DIPK2B: variants seen among roughly 807,000 people sequenced by gnomAD.
DIPK2B encodes the protein UPF0672 protein CXorf36.
In DIPK2B, 15 loss-of-function variants were observed where a neutral mutation model predicts 22.2. The ratio of observed to expected loss-of-function variants is 0.68; its 90% CI spans 0.45 to 1.04. The LOEUF (loss-of-function observed/expected upper bound fraction) is 1.04, where lower values mean the gene tolerates loss of function less well. Ranked by LOEUF, DIPK2B falls within the 50% of genes least tolerant of loss-of-function variation. The probability of loss-of-function intolerance (pLI) is 0.00; values close to 1 mark genes in which losing one functional copy is unlikely to be tolerated. For missense variants in DIPK2B, 345 were observed against 348.3 expected, an observed-to-expected ratio of 0.99 and a Z score of 0.08; for synonymous variants, 163 against 153.2, an observed-to-expected ratio of 1.06 and a Z score of -0.47.
In DIPK2B at chrX:45,148,978, A is replaced by G. The variant is rs2046947040; in HGVS notation, c.*2674T>C. Reference sequence around the variant, plus strand: ...ACTCAGCATCACCAAGGGTTACATGATAGTCTTGAAGGAATGTTGCTCAGA... The same window carrying G: ...ACTCAGCATCACCAAGGGTTACATGGTAGTCTTGAAGGAATGTTGCTCAGA... On this transcript the variant is annotated 3_prime_UTR_variant, in exon 5 of 5. Coordinates refer to ENST00000398000, the MANE Select transcript of DIPK2B (RefSeq NM_176819.4). 1 of 111,464 alleles carries G rather than the reference A, an allele frequency of 9.0e-6. No homozygotes were observed. Among genetic ancestry groups the G allele is most frequent in the Non-Finnish European group, 1.9e-5 (1 of 53,121 alleles). 9.2% of individuals were successfully genotyped at this position (111,464 alleles called of 1,213,427 possible).
At chrX:45,187,461 C>T (rs1048954025) in intron 2 of DIPK2B, among the ~76,000 whole-genome samples, 1 of 58,122 alleles carries the variant, frequency 1.7e-5, no homozygotes, top group Admixed American at 2.2e-4. Context: ...CTCGAGGGCG[C>T]GCGCGCGCAC....
At chrX:45,182,074 CAA>C (rs200586875) in intron 2 of DIPK2B, among the ~76,000 whole-genome samples, 2 of 86,748 alleles carry the variant, frequency 2.3e-5, no homozygotes, top group Admixed American at 2.8e-4. Context: ...CACCCTGTCT[CAA>C]AAAAAAAAAA....
intron 2 of DIPK2B, among the ~76,000 whole-genome samples, chrX:45,185,684 G>A (rs774466538): frequency 2.2e-5 from 2 of 89,671 alleles, no homozygotes; most frequent in East Asian, 3.3e-4. Flanking sequence ...ATGGAGTCTC[G>A]CTCTGTTGCC....
chrX:45,196,090 A>T (rs1289078564), intron 1 of DIPK2B, among the ~76,000 whole-genome samples: 2 of 112,384 alleles, frequency 1.8e-5, no homozygotes, highest in African/African-American at 6.5e-5. Context: ...CAAAGATTTG[A>T]CCTCTTTTAA....
chrX:45,153,521 T>TGTGTGTGTGA (rs1232898063), intron 4 of DIPK2B, among the ~76,000 whole-genome samples: 11 of 96,685 alleles, frequency 1.1e-4, no homozygotes, highest in African/African-American at 4.1e-4. Context: ...TGTGTGTGTG[T>TGTGTGTGTGA]GACAGAGAGA....
intron 2 of DIPK2B, among the ~76,000 whole-genome samples, chrX:45,173,401 A>G (rs2047095252): frequency 9.0e-6 from 1 of 110,617 alleles, no homozygotes; most frequent in South Asian, 3.9e-4. Context: ...GCAGATGGAC[A>G]TAGTGCAGAC....
At position 45,198,332 on chromosome X, in the gene DIPK2B, T is replaced by C. The variant is rs895536069; in HGVS notation, c.233+2262A>G. On this transcript the variant is annotated intron_variant, in intron 1 of 4. Coordinates refer to ENST00000398000, the MANE Select transcript of DIPK2B (RefSeq NM_176819.4). ...GACTTTGATAATAAGAAAAAAGGTA[T>C]TTATATTGTAGAGAAAAGGACTCTA... Among the ~76,000 whole-genome samples, 4 of 111,597 alleles carry C rather than the reference T, an allele frequency of 3.6e-5. No individual in the cohort carries two copies. In the South Asian group the frequency reaches 1.2e-3, roughly 32 times the overall value.
At chrX:45,175,993 G>T (rs1041769352) in intron 2 of DIPK2B, among the ~76,000 whole-genome samples, 1 of 108,900 alleles carries the variant, frequency 9.2e-6, no homozygotes, top group Non-Finnish European at 1.9e-5. Flanking sequence ...GGGTGCTGTA[G>T]GGGAGGAGCA....
intron 2 of DIPK2B, among the ~76,000 whole-genome samples, chrX:45,184,976 A>T (rs1267576479): frequency 9.0e-6 from 1 of 110,958 alleles, no homozygotes; most frequent in Non-Finnish European, 1.9e-5. Context: ...TTCTCTTTTG[A>T]TTAGATAAAA....
chrX:45,162,339 A>C, intron 2 of DIPK2B: 1 of 727,639 alleles, frequency 1.4e-6, no homozygotes, highest in South Asian at 7.0e-5. Context: ...GAAATGGTTT[A>C]ATACACAACA....
intron 1 of DIPK2B, among the ~76,000 whole-genome samples, chrX:45,192,807 C>T (rs1484788771): frequency 1.8e-5 from 2 of 111,582 alleles, no homozygotes; most frequent in African/African-American, 6.5e-5. Flanking sequence ...GAGATGGAGA[C>T]TCACTCTGTT....
At position 45,151,941 on chromosome X, in the gene DIPK2B, A is replaced by G; in HGVS notation, c.1013T>C (p.Leu338Pro). 19 of 1,196,387 alleles carry G rather than the reference A, an allele frequency of 1.6e-5. No homozygotes were observed. Among genetic ancestry groups the G allele is most frequent in the Non-Finnish European group, 2.1e-5 (19 of 887,160 alleles). The part of the protein sequence containing the change: ...AGENKDIFSC[L>P]VSGCQAQLPS... ...CAGCTGGGCCTGGCAGCCGGAAACC[A>G]GGCAGCTAAAAATGTCTTTATTCTC... is the stretch of plus-strand genomic sequence containing the variant. Residue 338 changes from leucine to proline, a missense_variant, in exon 5 of 5, where the codon CTG becomes CCG. Coordinates refer to ENST00000398000, the MANE Select transcript of DIPK2B (RefSeq NM_176819.4).
intron 2 of DIPK2B, among the ~76,000 whole-genome samples, chrX:45,185,485 TG>T (rs1167401628): frequency 3.6e-5 from 4 of 110,505 alleles, no homozygotes. Flanking sequence ...ACGTTTTGGC[TG>T]GGGGCGGCCT....
intron 2 of DIPK2B, among the ~76,000 whole-genome samples, chrX:45,166,187 AG>A (rs1156666244): frequency 8.9e-6 from 1 of 111,822 alleles, no homozygotes; most frequent in Non-Finnish European, 1.9e-5. Flanking sequence ...GCCATGAGTG[AG>A]GGTGATTGGG....
chrX:45,192,440 C>G (rs1168200780), intron 1 of DIPK2B, among the ~76,000 whole-genome samples: 1 of 109,811 alleles, frequency 9.1e-6, no homozygotes. Flanking sequence ...ATCAGAGGTG[C>G]GGACCCCGGG....
chrX:45,151,390 A>C lies in DIPK2B; in HGVS notation c.*262T>G. 2.6e-6 allele frequency: 1 copy of C among 391,163 alleles called. No homozygotes were observed. The highest frequency in any genetic ancestry group is 4.4e-6 in the Non-Finnish European group (1 of 225,205). 32.2% of individuals were successfully genotyped at this position (391,163 alleles called of 1,213,427 possible). On this transcript the variant is annotated 3_prime_UTR_variant, in exon 5 of 5. Coordinates refer to ENST00000398000, the MANE Select transcript of DIPK2B (RefSeq NM_176819.4). ...CACCCTCAGGAGAGTCTGGTGGAGA[A>C]CAGAGGAAACTGAGGCTCAAAGACA... is the stretch of plus-strand genomic sequence containing the variant.
intron 2 of DIPK2B, chrX:45,164,215 AG>A (rs749297774): frequency 8.3e-7 from 1 of 1,202,594 alleles, no homozygotes; most frequent in Admixed American, 2.2e-5. Flanking sequence ...CAGCATACAC[AG>A]GAACTTTAGT....
At chrX:45,184,657 C>T (rs2047171933) in intron 2 of DIPK2B, among the ~76,000 whole-genome samples, 1 of 111,988 alleles carries the variant, frequency 8.9e-6, no homozygotes, top group Non-Finnish European at 1.9e-5. Context: ...TTATTACTGC[C>T]ATAAGTGGCC....
Position 45,150,180 on chromosome X carries a change from C to G in DIPK2B, c.*1472G>C, listed in dbSNP as rs1047457541. 4 of 111,617 alleles carry G rather than the reference C, an allele frequency of 3.6e-5. No homozygotes were observed. The highest frequency in any genetic ancestry group is 1.3e-4 in the African/African-American group (4 of 30,613). The allele number at this position is 111,617 out of a possible 1,213,427, so 9.2% of individuals were successfully genotyped here. On this transcript the variant is annotated 3_prime_UTR_variant, in exon 5 of 5. Coordinates refer to ENST00000398000, the MANE Select transcript of DIPK2B (RefSeq NM_176819.4). ...TACAGGCGTGAGCCACCGGGCCTGG[C>G]CTGTTCTGACTTTAAAGGTAGGGAT...
Sources: allele counts gnomAD v4.1 joint callset (sites outside exome capture counted in the v4.1 genomes callset), GRCh38; gene constraint gnomAD v4.1.1; transcripts MANE v1.5; gene names NCBI Gene and HGNC (gene_info 2026-07-23, HGNC 2026-07-21).